Variants in MALRD1 observed in about 807,000 individuals in gnomAD.
MALRD1 encodes MAM and LDL receptor class A domain containing 1.
Under a neutral mutation model 242.1 loss-of-function variants are expected in MALRD1, and 247 were observed. The ratio of observed to expected loss-of-function variants is 1.02; its 90% CI spans 0.92 to 1.13. MALRD1 has a LOEUF of 1.13. Ranked by LOEUF, MALRD1 falls within the 50% of genes most tolerant of loss-of-function variation. The pLI is 0.00. For synonymous variants in MALRD1, 995 were observed against 866.6 expected (o/e 1.15, Z -2.60); for missense variants, 2,989 against 2,533.1 (o/e 1.18, Z -3.86).
intron 18 of MALRD1, among the ~76,000 whole-genome samples, chr10:19,250,448 A>G (rs948414668): frequency 1.1e-4 from 17 of 151,978 alleles, no homozygotes; most frequent in African/African-American, 1.9e-4. Context: ...TACAGGGTAT[A>G]TGGGTTCTCA....
At chr10:19,486,356 C>T (rs998176721) in intron 29 of MALRD1, among the ~76,000 whole-genome samples, 1 of 152,162 alleles carries the variant, frequency 6.6e-6, no homozygotes, top group African/African-American at 2.4e-5. Flanking sequence ...GTGGTCTAAG[C>T]TCCTTTCATG....
At chr10:19,084,973 G>A (rs80326555) in intron 2 of MALRD1, among the ~76,000 whole-genome samples, 3,888 of 152,056 alleles carry the variant, frequency 0.026, 161 homozygotes, top group African/African-American at 0.09. Context: ...GGGAATTTAA[G>A]TATCATGTAA....
chr10:19,130,259 T>G (rs539543095), intron 8 of MALRD1, among the ~76,000 whole-genome samples: 186 of 152,158 alleles, frequency 1.2e-3, no homozygotes, highest in Middle Eastern at 0.01. Context: ...GAGAAAAAAT[T>G]TAACTGTATC....
chr10:19,082,439 T>A (rs72788908), intron 2 of MALRD1, among the ~76,000 whole-genome samples: 1 of 151,758 alleles, frequency 6.6e-6, no homozygotes, highest in Non-Finnish European at 1.5e-5. Context: ...AATATCTACC[T>A]GTTTATTGAT....
At chr10:19,174,840 T>G (rs1330430158) in intron 13 of MALRD1, among the ~76,000 whole-genome samples, 1 of 152,174 alleles carries the variant, frequency 6.6e-6, no homozygotes, top group African/African-American at 2.4e-5. Context: ...TTCAGCACAC[T>G]GATTACAAAT....
intron 34 of MALRD1, among the ~76,000 whole-genome samples, chr10:19,596,861 G>GAGGAAGGA (rs993172283): frequency 1.3e-5 from 2 of 151,166 alleles, no homozygotes; most frequent in Admixed American, 1.3e-4. Context: ...GGACAGAGAG[G>GAGGAAGGA]AGGAAGGAAG....
At chr10:19,202,992 C>T (rs1001913868) in intron 14 of MALRD1, among the ~76,000 whole-genome samples, 1 of 152,068 alleles carries the variant, frequency 6.6e-6, no homozygotes, top group Middle Eastern at 3.2e-3. Flanking sequence ...TCCTATATGG[C>T]TGTTTGTGAA....
chr10:19,148,499 A>G (rs1833804695), intron 11 of MALRD1, among the ~76,000 whole-genome samples: 1 of 152,134 alleles, frequency 6.6e-6, no homozygotes. Context: ...CATTCTAATA[A>G]GAAGACTAGG....
At chr10:19,230,901 GATT>G (rs1315101003) in intron 18 of MALRD1, among the ~76,000 whole-genome samples, 2 of 152,118 alleles carry the variant, frequency 1.3e-5, no homozygotes, top group Non-Finnish European at 2.9e-5. Flanking sequence ...TAACCAAATA[GATT>G]ATGTAGTTTT....
At chr10:19,479,393 C>T (rs1836886776) in intron 29 of MALRD1, among the ~76,000 whole-genome samples, 1 of 152,088 alleles carries the variant, frequency 6.6e-6, no homozygotes, top group Non-Finnish European at 1.5e-5. Context: ...TTATAGGAAT[C>T]CATATTTGAG....
At chr10:19,315,595 T>TA (rs1564555155) in intron 21 of MALRD1, among the ~76,000 whole-genome samples, 32 of 70,270 alleles carry the variant, frequency 4.6e-4, no homozygotes, top group Admixed American at 9.0e-4. Flanking sequence ...TTATAAATAT[T>TA]TATATAAATT....
At chr10:19,274,032 TGTAAAGTGGTTTA>T (rs1420801167) in intron 19 of MALRD1, among the ~76,000 whole-genome samples, 2 of 152,190 alleles carry the variant, frequency 1.3e-5, no homozygotes, top group Non-Finnish European at 2.9e-5. Flanking sequence ...CTGGTGGGAC[TGTAAAGTGGTTTA>T]GCCATTATGG....
intron 5 of MALRD1, among the ~76,000 whole-genome samples, chr10:19,111,394 C>T (rs1449355133): frequency 6.6e-6 from 1 of 152,164 alleles, no homozygotes; most frequent in Non-Finnish European, 1.5e-5. Context: ...AAAGAAGAGG[C>T]ATCAATAAAT....
chr10:19,239,755 T>C (rs896598966), intron 18 of MALRD1, among the ~76,000 whole-genome samples: 1 of 152,028 alleles, frequency 6.6e-6, no homozygotes, highest in African/African-American at 2.4e-5. Flanking sequence ...ATGAAGAGAC[T>C]GTCTTTACCC....
In MALRD1 at chr10:19,446,090, C is replaced by A. The variant is rs7078417; in HGVS notation, c.4846-4217C>A. On this transcript the variant is annotated intron_variant, in intron 28 of 39. Coordinates refer to ENST00000454679, the MANE Select transcript of MALRD1 (RefSeq NM_001142308.3). ...TGGGCGTGGGACCCTCCGAGCCAGG[C>A]GTGGGATATAATTTCCTGGTGTGCC... Among the ~76,000 whole-genome samples, 762 of 152,248 alleles carry A rather than the reference C, an allele frequency of 5.0e-3. 7 individuals carry two copies. The highest frequency in any genetic ancestry group is 0.016 in the African/African-American group (680 of 41,556).
chr10:19,464,081 T>G (rs1402490981), intron 29 of MALRD1, among the ~76,000 whole-genome samples: 1 of 152,200 alleles, frequency 6.6e-6, no homozygotes, highest in South Asian at 2.1e-4. Flanking sequence ...TCTTGCTAGT[T>G]TATTTGAGTT....
chr10:19,087,473 T>A (rs913343661), intron 2 of MALRD1, among the ~76,000 whole-genome samples: 1 of 151,672 alleles, frequency 6.6e-6, no homozygotes, highest in African/African-American at 2.4e-5. Context: ...CTAGTGAGGA[T>A]GTGGGCCTGA....
chr10:19,601,955 A>C (rs563828637), intron 34 of MALRD1, among the ~76,000 whole-genome samples: 1 of 152,102 alleles, frequency 6.6e-6, no homozygotes, highest in South Asian at 2.1e-4. Context: ...TGCACACAAA[A>C]ATTTGTGTAT....
intron 36 of MALRD1, among the ~76,000 whole-genome samples, chr10:19,684,125 T>G (rs1842480589): frequency 6.6e-6 from 1 of 152,184 alleles, no homozygotes; most frequent in Non-Finnish European, 1.5e-5. Flanking sequence ...CTCATTCTTT[T>G]TTATGTCTGC....
Sources: allele counts gnomAD v4.1 joint callset (sites outside exome capture counted in the v4.1 genomes callset), GRCh38; gene constraint gnomAD v4.1.1; transcripts MANE v1.5; gene names NCBI Gene and HGNC (gene_info 2026-07-23, HGNC 2026-07-21).